FAM219A: variants seen among roughly 807,000 people sequenced by gnomAD.
FAM219A encodes family with sequence similarity 219 member A.
A neutral mutation model predicts 23.4 loss-of-function variants in FAM219A; 7 were observed. The observed-to-expected ratio is 0.30, with a 90% CI of 0.17 to 0.56. The LOEUF (loss-of-function observed/expected upper bound fraction) is 0.56, where lower values mean the gene tolerates loss of function less well. FAM219A is among the 20% of genes least tolerant of loss of function. The probability of loss-of-function intolerance (pLI) is 0.92; values close to 1 mark genes in which losing one functional copy is unlikely to be tolerated. For missense variants in FAM219A, 166 were observed against 246.9 expected (o/e 0.67, Z 2.20); for synonymous variants, 93 against 99.0 (o/e 0.94, Z 0.36).
At chr9:34,444,652 A>G (rs1041832241) in intron 1 of FAM219A, among the ~76,000 whole-genome samples, 15 of 152,178 alleles carry the variant, frequency 9.9e-5, no homozygotes, top group African/African-American at 3.4e-4. Context: ...GAAAAGGCCA[A>G]TTTGTAAGGA....
In FAM219A at chr9:34,402,725, G is replaced by C; in HGVS notation, c.243C>G (p.Asn81Lys). Residue 81 changes from asparagine to lysine, a missense_variant, in exon 3 of 6, where the codon AAC becomes AAG. By Grantham distance (94) the Asn-to-Lys change is moderately conservative. Around this residue, in one of 3 missense-constraint regions of FAM219A, gnomAD observed 89 missense variants for 98.8 expected, o/e 0.90. Transcript: ENST00000651358. ...TCTACCTTGTTCGGGCCATGACATTGTTCTTCTTGGGTTGCTGGTTGACAG... is the reference window on the plus strand; with the variant it reads ...TCTACCTTGTTCGGGCCATGACATTCTTCTTCTTGGGTTGCTGGTTGACAG... ...GSPVNQQPKK[N>K]NVMARTRLVV... is the part of the protein sequence containing the mutation. The C allele has an allele frequency of 6.2e-7, 1 of 1,614,172 alleles. No homozygotes were observed. The highest frequency in any genetic ancestry group is 8.5e-7 in the Non-Finnish European group (1 of 1,180,002).
At chr9:34,410,562 C>G (rs1821786771) in intron 1 of FAM219A, among the ~76,000 whole-genome samples, 1 of 152,122 alleles carries the variant, frequency 6.6e-6, no homozygotes, top group East Asian at 1.9e-4. Flanking sequence ...TCTTCAGATC[C>G]ACGAGCTTAT....
At chr9:34,438,364 C>T (rs1823010036) in intron 1 of FAM219A, among the ~76,000 whole-genome samples, 1 of 152,274 alleles carries the variant, frequency 6.6e-6, no homozygotes, top group African/African-American at 2.4e-5. Flanking sequence ...GCAGCTCCAC[C>T]TGCAGCACCG....
chr9:34,430,636 C>CAAAAAAAA (rs757627612), intron 1 of FAM219A, among the ~76,000 whole-genome samples: 22 of 56,270 alleles, frequency 3.9e-4, no homozygotes, highest in African/African-American at 1.5e-3. Flanking sequence ...GACTCCGTCT[C>CAAAAAAAA]AAAAAAAAAA....
At chr9:34,430,308 C>T (rs1822642968) in intron 1 of FAM219A, among the ~76,000 whole-genome samples, 1 of 152,028 alleles carries the variant, frequency 6.6e-6, no homozygotes, top group African/African-American at 2.4e-5. Flanking sequence ...TTGGGTGGAT[C>T]TCTTGAGCCC....
intron 1 of FAM219A, among the ~76,000 whole-genome samples, chr9:34,411,229 T>G (rs1459982879): frequency 6.6e-6 from 1 of 152,162 alleles, no homozygotes; most frequent in Non-Finnish European, 1.5e-5. Context: ...ATTTATTTAA[T>G]GATGATAGGG....
In FAM219A at chr9:34,417,733, T is replaced by C. The variant is rs1335009019; in HGVS notation, c.61-11769A>G. Among the ~76,000 whole-genome samples, 3 of 152,232 alleles carry C rather than the reference T, an allele frequency of 2.0e-5. No individual in the cohort carries two copies. The highest frequency in any genetic ancestry group is 4.4e-5 in the Non-Finnish European group (3 of 68,040). On this transcript the variant is annotated intron_variant, in intron 1 of 5. Coordinates refer to ENST00000651358, the MANE Select transcript of FAM219A (RefSeq NM_001184940.2). This position sits in a 1 kb window ranked among gnomAD's most constrained non-coding sequence, Gnocchi z 4.1. ...CATCACATTTACCCATTATCTTCCA[T>C]GAGAGCTCTGTTCCAGTCCTCATTT... is the stretch of plus-strand genomic sequence containing the variant.
At chr9:34,428,670 G>A (rs1181676693) in intron 1 of FAM219A, among the ~76,000 whole-genome samples, 2 of 152,240 alleles carry the variant, frequency 1.3e-5, no homozygotes, top group Non-Finnish European at 2.9e-5. Context: ...TCCGCTGTGA[G>A]GAAGACAAAC....
intron 1 of FAM219A, among the ~76,000 whole-genome samples, chr9:34,450,119 C>G (rs1314304614): frequency 6.6e-6 from 1 of 152,054 alleles, no homozygotes; most frequent in Non-Finnish European, 1.5e-5. Context: ...TGAGACCAGT[C>G]TAGGCAACAT....
chr9:34,404,316 A>T (rs1376583783), intron 2 of FAM219A, among the ~76,000 whole-genome samples: 1 of 152,242 alleles, frequency 6.6e-6, no homozygotes, highest in Non-Finnish European at 1.5e-5. Context: ...GTAAAACTAC[A>T]AAAACTGAAA....
chr9:34,435,766 G>A (rs939236547), intron 1 of FAM219A, among the ~76,000 whole-genome samples: 8 of 151,648 alleles, frequency 5.3e-5, no homozygotes, highest in African/African-American at 1.7e-4. Context: ...TGGGATGGAG[G>A]TACCATGATT....
At chr9:34,421,044 G>GAGAGAGAGAGAGAC (rs770336544) in intron 1 of FAM219A, among the ~76,000 whole-genome samples, 2,224 of 146,532 alleles carry the variant, frequency 0.015, 46 homozygotes, top group African/African-American at 0.028. Context: ...GAGAGAGAGA[G>GAGAGAGAGAGAGAC]AATGGCTCTG....
intron 1 of FAM219A, among the ~76,000 whole-genome samples, chr9:34,418,645 T>C (rs989050842): frequency 2.0e-5 from 3 of 152,218 alleles, no homozygotes; most frequent in Non-Finnish European, 4.4e-5. Flanking sequence ...CTATGTCAAG[T>C]CTTGTGACCT....
At chr9:34,408,659 G>T (rs1821724633) in intron 1 of FAM219A, among the ~76,000 whole-genome samples, 1 of 152,106 alleles carries the variant, frequency 6.6e-6, no homozygotes, top group Non-Finnish European at 1.5e-5. Context: ...CCTCTGTAGG[G>T]TCCTGCCCTT....
At chr9:34,450,007 A>C (rs899962492) in intron 1 of FAM219A, among the ~76,000 whole-genome samples, 1 of 152,180 alleles carries the variant, frequency 6.6e-6, no homozygotes, top group Non-Finnish European at 1.5e-5. Flanking sequence ...TAAGGATAAA[A>C]TGGGAAATTA....
chr9:34,440,998 G>A (rs1267820108), intron 1 of FAM219A, among the ~76,000 whole-genome samples: 1 of 152,070 alleles, frequency 6.6e-6, no homozygotes, highest in Non-Finnish European at 1.5e-5. Context: ...CTCTCGAGTA[G>A]CTGGGACTCC....
At chr9:34,401,972 C>CTTTTTTT (rs34584165) in intron 4 of FAM219A, among the ~76,000 whole-genome samples, 2 of 140,448 alleles carry the variant, frequency 1.4e-5, no homozygotes, top group Non-Finnish European at 1.6e-5. Flanking sequence ...CCCTTCTCAT[C>CTTTTTTT]TTTTTTTTTT....
rs943393181 is a variant in FAM219A, at chr9:34,410,115, C to A, written c.61-4151G>T. 2.6e-4 allele frequency among the ~76,000 whole-genome samples: 40 copies of A among 152,182 alleles called. 1 individual carries two copies. Among genetic ancestry groups the A allele is most frequent in the Admixed American group, 2.6e-3 (40 of 15,282 alleles). On this transcript the variant is annotated intron_variant, in intron 1 of 5. Transcript: ENST00000651358. ...GCAGGGAGGGACATAGGGAAGAGAA[C>A]ATGATTTGGGCTTGGAGCTAAAGAC...
chr9:34,439,263 A>C (rs772726820), intron 1 of FAM219A, among the ~76,000 whole-genome samples: 1 of 152,260 alleles, frequency 6.6e-6, no homozygotes, highest in Non-Finnish European at 1.5e-5. Context: ...TTCCGGACAC[A>C]CTTCTAAACA....
Sources: gnomAD v4.1 joint callset for allele counts (sites outside exome capture counted in the v4.1 genomes callset) on GRCh38, gnomAD v4.1.1 for gene constraint, gnomAD v4.1.1 regional missense constraint, Gnocchi (gnomAD v3.1) non-coding constraint, MANE v1.5 for transcripts, NCBI Gene and HGNC (gene_info 2026-07-23, HGNC 2026-07-21) for gene names.